CEBPG: variants seen among roughly 807,000 people sequenced by gnomAD.
CEBPG encodes the protein CCAAT/enhancer-binding protein gamma.
A neutral mutation model predicts 11.1 loss-of-function variants in CEBPG; 6 were observed. The ratio of observed to expected loss-of-function variants is 0.54; its 90% CI spans 0.30 to 1.07. The LOEUF (loss-of-function observed/expected upper bound fraction) is 1.07. CEBPG is among the 50% of genes least tolerant of loss of function. CEBPG has a pLI of 0.07. For missense variants in CEBPG, 161 were observed against 187.4 expected, an observed-to-expected ratio of 0.86 and a Z score of 0.82; for synonymous variants, 66 against 71.0, an observed-to-expected ratio of 0.93 and a Z score of 0.36.
In CEBPG at chr19:33,379,362, A is replaced by G; in HGVS notation, c.123A>G (p.Gly41=). The G allele has an allele frequency of 6.2e-7, 1 of 1,613,912 alleles. No individual in the cohort carries two copies. The highest frequency in any genetic ancestry group is 8.5e-7 in the Non-Finnish European group (1 of 1,179,992). ...AGCTGGTGCCTGCTGGCCCTGGGGG[A>G]GGAGGCAAAGCTGTGGCTCCCAGCA... ...VPQLVPAGPG[G]GGKAVAPSKQ... Residue 41 remains glycine (G), a synonymous_variant, in exon 2 of 2, where the codon GGA becomes GGG. Coordinates refer to ENST00000284000, the MANE Select transcript of CEBPG (RefSeq NM_001806.4).
At position 33,379,791 on chromosome 19, in the gene CEBPG, G is replaced by T; in HGVS notation, c.*99G>T. On this transcript the variant is annotated 3_prime_UTR_variant, in exon 2 of 2. Coordinates refer to ENST00000284000, the MANE Select transcript of CEBPG (RefSeq NM_001806.4). Reference sequence around the variant, plus strand: ...ATGGCTGAAAGTTGTCCATTTCCATGACTCAAAGACCCATTGGAGGCTATT... The same window carrying T: ...ATGGCTGAAAGTTGTCCATTTCCATTACTCAAAGACCCATTGGAGGCTATT... 1 of 1,112,942 alleles carries T rather than the reference G, an allele frequency of 9.0e-7. No homozygotes were observed. The highest frequency in any genetic ancestry group is 1.7e-5 in the South Asian group (1 of 60,040). 68.9% of individuals were successfully genotyped at this position (1,112,942 alleles called of 1,614,324 possible).
chr19:33,379,457 A>G lies in CEBPG; in HGVS notation c.218A>G (p.Asn73Ser). 1 of 1,614,196 alleles carries G rather than the reference A, an allele frequency of 6.2e-7. No individual in the cohort carries two copies. Among genetic ancestry groups the G allele is most frequent in the Non-Finnish European group, 8.5e-7 (1 of 1,180,048 alleles). The change falls in exon 2 of 2, where the codon AAC becomes AGC. Residue 73 changes from asparagine (N) to serine (S), a missense_variant. Transcript: ENST00000284000. ...DEYRQRRERNNMAVKKSRLKS... is the reference protein window; with the variant it reads ...DEYRQRRERNSMAVKKSRLKS... The stretch of plus-strand genomic sequence containing the variant: ...TATCGGCAACGCCGAGAGAGGAACA[A>G]CATGGCTGTGAAAAAGAGCCGGTTG...
rs1332586113 is a variant in CEBPG at position 33,373,854 on chromosome 19, C to T, written c.-138C>T. 3 of 151,638 alleles carry T rather than the reference C, an allele frequency of 2.0e-5. No individual in the cohort carries two copies. The highest frequency in any genetic ancestry group is 2.1e-4 in the South Asian group (1 of 4,830). 9.4% of individuals were successfully genotyped at this position (151,638 alleles called of 1,614,324 possible). On this transcript the variant is annotated 5_prime_UTR_variant, in exon 1 of 2. Coordinates refer to ENST00000284000, the MANE Select transcript of CEBPG (RefSeq NM_001806.4). ...TCGGGCCGCACCGCGCGGGGCCGCT[C>T]GGAGTGGAGGCCGCCTGGGGGCAGG...
Position 33,373,723 on chromosome 19 carries a change from C to A in CEBPG, c.-269C>A, listed in dbSNP as rs1471396699. On this transcript the variant is annotated 5_prime_UTR_variant, in exon 1 of 2. Coordinates refer to ENST00000284000, the MANE Select transcript of CEBPG (RefSeq NM_001806.4). The stretch of plus-strand genomic sequence containing the variant: ...GCGGCGGCGGCGCGCGCGGCCCCGG[C>A]GAGCAGGGGAAGCCGGTGGCCGCGG... 6.6e-6 allele frequency: 1 copy of A among 150,496 alleles called. No homozygotes were observed. The highest frequency in any genetic ancestry group is 1.5e-5 in the Non-Finnish European group (1 of 67,582). The allele number at this position is 150,496 out of a possible 1,614,324, so 9.3% of individuals were successfully genotyped here. A position where few individuals can be genotyped will look rare whatever the true frequency, so the allele number is the denominator to read the frequency against.
Position 33,379,192 on chromosome 19 carries a change from C to G in CEBPG, c.-48C>G. The G allele has an allele frequency of 6.8e-7, 1 of 1,477,748 alleles. No individual in the cohort carries two copies. Among genetic ancestry groups the G allele is most frequent in the Admixed American group, 2.5e-5 (1 of 40,606 alleles). The allele number at this position is 1,477,748 out of a possible 1,614,324, so 91.5% of individuals were successfully genotyped here. A position where few individuals can be genotyped will look rare whatever the true frequency, so the allele number is the denominator to read the frequency against. Reference sequence around the variant, plus strand: ...GCTTAGCGTGGAAACCATTGATCACCCTGCTCTCATTTCTACCTGTTCTGT... The same window carrying G: ...GCTTAGCGTGGAAACCATTGATCACGCTGCTCTCATTTCTACCTGTTCTGT... On this transcript the variant is annotated 5_prime_UTR_variant, in exon 2 of 2. Coordinates refer to ENST00000284000, the MANE Select transcript of CEBPG (RefSeq NM_001806.4).
rs1190099794 is a variant in CEBPG at position 33,381,577 on chromosome 19, C to G, written c.*1885C>G. The stretch of plus-strand genomic sequence containing the variant: ...ACACACCCACAGGATCCTACTGGCT[C>G]CTTAGCAGCTGATTGGTGTTACATA... On this transcript the variant is annotated 3_prime_UTR_variant, in exon 2 of 2. Coordinates refer to ENST00000284000, the MANE Select transcript of CEBPG (RefSeq NM_001806.4). 2.4e-5 allele frequency: 4 copies of G among 167,028 alleles called. No homozygotes were observed. Among genetic ancestry groups the G allele is most frequent in the African/African-American group, 7.2e-5 (3 of 41,434 alleles). The allele number at this position is 167,028 out of a possible 1,614,324, so 10.3% of individuals were successfully genotyped here.
rs75073742 is a variant in CEBPG at position 33,376,060 on chromosome 19, T to G, written c.-97+2165T>G. ...ATGGAGAGGAAGAGTAGATGGGAAG[T>G]TTTTTTTTTGTTTGTTTTAGGTGGA... is the stretch of plus-strand genomic sequence containing the variant. On this transcript the variant is annotated intron_variant, in intron 1 of 1. Transcript: ENST00000284000. Among the ~76,000 whole-genome samples, 215 of 148,628 alleles carry G rather than the reference T, an allele frequency of 1.4e-3. 1 individual carries two copies. Among genetic ancestry groups the G allele is most frequent in the African/African-American group, 4.9e-3 (199 of 40,252 alleles).
chr19:33,380,706 C>T lies in CEBPG; in HGVS notation c.*1014C>T, dbSNP rs1967975905. The T allele has an allele frequency of 6.0e-6, 1 of 166,836 alleles. No individual in the cohort carries two copies. Among genetic ancestry groups the T allele is most frequent in the South Asian group, 2.1e-4 (1 of 4,830 alleles). The allele number at this position is 166,836 out of a possible 1,614,324, so 10.3% of individuals were successfully genotyped here. ...GCTCATTTTGGTATTTGATCTTAAC[C>T]AAGTGATTATTAGAGAAATGTATCA... On this transcript the variant is annotated 3_prime_UTR_variant, in exon 2 of 2. Coordinates refer to ENST00000284000, the MANE Select transcript of CEBPG (RefSeq NM_001806.4).
rs902771971 is a variant in CEBPG, at chr19:33,379,854, T to G, written c.*162T>G. ...CACTGAAGAGTTGATTAGCTAAAAA[T>G]GTTAGCCTTGTAATTCGAATATCTG... On this transcript the variant is annotated 3_prime_UTR_variant, in exon 2 of 2. Coordinates refer to ENST00000284000, the MANE Select transcript of CEBPG (RefSeq NM_001806.4). The G allele has an allele frequency of 1.7e-6, 1 of 591,016 alleles. No homozygotes were observed. The highest frequency in any genetic ancestry group is 3.6e-5 in the Admixed American group (1 of 28,022). The allele number at this position is 591,016 out of a possible 1,614,324, so 36.6% of individuals were successfully genotyped here.
At position 33,379,295 on chromosome 19, in the gene CEBPG, T is replaced by A. The variant is rs143129848; in HGVS notation, c.56T>A (p.Ile19Asn). Residue 19 changes from isoleucine to asparagine, a missense_variant, in exon 2 of 2, where the codon ATC becomes AAC. Physicochemically the swap from Ile to Asn is moderately radical, Grantham distance 149. Transcript: ENST00000284000. ...STPGVNGISV[I>N]HTQAHASGLQ... ...CCAGGGGTGAACGGAATTAGTGTTATCCATACCCAGGCACATGCCAGCGGC... is the reference window on the plus strand; with the variant it reads ...CCAGGGGTGAACGGAATTAGTGTTAACCATACCCAGGCACATGCCAGCGGC... 3.4e-5 allele frequency: 55 copies of A among 1,604,172 alleles called. No individual in the cohort carries two copies. The African/African-American group carries it at 7.0e-4, about 20-fold the overall frequency.
intron 1 of CEBPG, among the ~76,000 whole-genome samples, chr19:33,375,694 A>G (rs1019176096): frequency 6.6e-6 from 1 of 152,170 alleles, no homozygotes; most frequent in East Asian, 1.9e-4. Flanking sequence ...CCTGCGCTAG[A>G]TGCTTGTGAA....
Position 33,381,074 on chromosome 19 carries a change from CTTTCT to C in CEBPG, c.*1390_*1394del, listed in dbSNP as rs141142953. 7.8e-3 allele frequency: 1,299 copies of C among 166,986 alleles called. 14 individuals carry two copies. The highest frequency in any genetic ancestry group is 0.029 in the African/African-American group (1,208 of 41,510). 10.3% of individuals were successfully genotyped at this position (166,986 alleles called of 1,614,324 possible). Reference sequence around the variant, plus strand: ...TCAACGTTTTTTCTTCTCTCTTTTGCTTTCTTTTCTTTCTCTTTTTTTCTTAGCAC... The same window carrying C: ...TCAACGTTTTTTCTTCTCTCTTTTGCTTTCTTTCTCTTTTTTTCTTAGCAC... On this transcript the variant is annotated 3_prime_UTR_variant, in exon 2 of 2. Transcript: ENST00000284000.
rs34873966 is a variant in CEBPG at position 33,379,647 on chromosome 19, T to C, written c.408T>C (p.Ile136=). 5.6e-6 allele frequency: 9 copies of C among 1,613,586 alleles called. No individual in the cohort carries two copies. The highest frequency in any genetic ancestry group is 6.8e-6 in the Non-Finnish European group (8 of 1,179,570). ...ACCTTGCAGACAACGTACAGTCCAT[T>C]AGCACTGAAAATACGACAGCAGATG... ...AHNLADNVQS[I]STENTTADGD... The change falls in exon 2 of 2, where the codon ATT becomes ATC. Residue 136 remains isoleucine, a synonymous_variant. Coordinates refer to ENST00000284000, the MANE Select transcript of CEBPG (RefSeq NM_001806.4).
At chr19:33,375,077 A>G (rs1967896486) in intron 1 of CEBPG, among the ~76,000 whole-genome samples, 1 of 152,240 alleles carries the variant, frequency 6.6e-6, no homozygotes. Context: ...TACAGGGTAC[A>G]AGGGAGCTGA....
rs1967957301 is a variant in CEBPG at position 33,379,471 on chromosome 19, AAG to A, written c.235_236del (p.Ser79ProfsTer23). ...AGAGAGGAACAACATGGCTGTGAAA[AAG>A]AGCCGGTTGAAAAGCAAGCAGAAAG... ...RRERNNMAVKKSRLKSKQKAQ... is the reference protein window; with the variant it reads ...RRERNNMAVKXSRLKSKQKAQ... On this transcript the variant is annotated frameshift_variant, in exon 2 of 2. Coordinates refer to ENST00000284000, the MANE Select transcript of CEBPG (RefSeq NM_001806.4). 1.2e-6 allele frequency: 2 copies of A among 1,614,026 alleles called. No homozygotes were observed. The highest frequency in any genetic ancestry group is 2.2e-5 in the East Asian group (1 of 44,880).
intron 1 of CEBPG, chr19:33,374,274 A>AT (rs1967882782): frequency 6.6e-6 from 1 of 151,860 alleles, no homozygotes; most frequent in Admixed American, 6.6e-5. Flanking sequence ...CCAGGCTCGC[A>AT]TTGGCCCCTG....
At chr19:33,375,393 G>A (rs1347688815) in intron 1 of CEBPG, among the ~76,000 whole-genome samples, 1 of 152,076 alleles carries the variant, frequency 6.6e-6, no homozygotes, top group Non-Finnish European at 1.5e-5. Context: ...AATACAGGTA[G>A]CCACGATTCC....
intron 1 of CEBPG, among the ~76,000 whole-genome samples, chr19:33,378,058 G>A (rs1236055599): frequency 6.6e-6 from 1 of 152,176 alleles, no homozygotes; most frequent in Non-Finnish European, 1.5e-5. Context: ...ATTTCTAAGA[G>A]TGCCCTGATT....
At position 33,379,148 on chromosome 19, in the gene CEBPG, A is replaced by T; in HGVS notation, c.-92A>T. The T allele has an allele frequency of 1.8e-6, 2 of 1,110,614 alleles. No individual in the cohort carries two copies. The highest frequency in any genetic ancestry group is 3.1e-5 in the Admixed American group (1 of 32,610). 68.8% of individuals were successfully genotyped at this position (1,110,614 alleles called of 1,614,324 possible). A position where few individuals can be genotyped will look rare whatever the true frequency, so the allele number is the denominator to read the frequency against. On this transcript the variant is annotated 5_prime_UTR_variant, in exon 2 of 2. An upstream start codon of the reference 5' UTR is lost. Transcript: ENST00000284000. Reference sequence around the variant, plus strand: ...TGCAATTTATTTTTTAACTAGGTACATGTGAAGATTTTTTGGCAGCTTAGC... The same window carrying T: ...TGCAATTTATTTTTTAACTAGGTACTTGTGAAGATTTTTTGGCAGCTTAGC...
Sources: gnomAD v4.1 joint callset for allele counts (sites outside exome capture counted in the v4.1 genomes callset) on GRCh38, gnomAD v4.1.1 for gene constraint, MANE v1.5 for transcripts, NCBI Gene and HGNC (gene_info 2026-07-23, HGNC 2026-07-21) for gene names.